The following RAD21L1 variants were observed in gnomAD, a reference collection of about 807,000 sequenced individuals.
RAD21L1 encodes RAD21 cohesin complex component like 1.
In RAD21L1, 47 loss-of-function variants were observed where a neutral mutation model predicts 69.0. That is an observed-to-expected ratio of 0.68 (90% CI 0.54 to 0.87). The LOEUF (loss-of-function observed/expected upper bound fraction) is 0.87. Ranked by LOEUF, RAD21L1 falls within the 40% of genes least tolerant of loss-of-function variation. The pLI is 0.00. For synonymous variants in RAD21L1, 177 were observed against 205.8 expected (o/e 0.86, Z 1.20); for missense variants, 583 against 647.6 (o/e 0.90, Z 1.08).
intron 10 of RAD21L1, among the ~76,000 whole-genome samples, chr20:1,243,803 T>C (rs1293860400): frequency 6.6e-6 from 1 of 152,146 alleles, no homozygotes; most frequent in Admixed American, 6.5e-5. Flanking sequence ...TGAGTGAATG[T>C]GTGAGAGCGT....
chr20:1,230,787 A>G (rs1335898920), intron 3 of RAD21L1: 1 of 503,834 alleles, frequency 2.0e-6, no homozygotes, highest in Non-Finnish European at 2.6e-6. Flanking sequence ...AGTATGGTTC[A>G]TTTGTTCGTT....
In RAD21L1 at chr20:1,250,246, T is replaced by C. The variant is rs143264923; in HGVS notation, c.1479+1543T>C. 3.2e-3 allele frequency among the ~76,000 whole-genome samples: 474 copies of C among 150,044 alleles called. 4 individuals are homozygous for C. The highest frequency in any genetic ancestry group is 0.01 in the African/African-American group (426 of 40,918). ...TATATGTGCCACATTTTCTTTCTTTTTTTTTCTTTTTTTCTTTTTTATTAT... is the reference window on the plus strand; with the variant it reads ...TATATGTGCCACATTTTCTTTCTTTCTTTTTCTTTTTTTCTTTTTTATTAT... On this transcript the variant is annotated intron_variant, in intron 13 of 13. Coordinates refer to ENST00000683101, the MANE Select transcript of RAD21L1 (RefSeq NM_001384355.1).
At chr20:1,251,544 T>G (rs1302575954) in intron 13 of RAD21L1, among the ~76,000 whole-genome samples, 1 of 152,030 alleles carries the variant, frequency 6.6e-6, no homozygotes, top group Non-Finnish European at 1.5e-5. Context: ...CAGGCTGGTT[T>G]CAAACTCCTG....
intron 10 of RAD21L1, 80 bp downstream of exon 10, chr20:1,243,276 G>A (rs2087654430): frequency 3.0e-6 from 2 of 659,830 alleles, no homozygotes; most frequent in Non-Finnish European, 5.0e-6. Flanking sequence ...CAAAATGAAG[G>A]TGGGATCCAA....
rs2087714228 is a variant in RAD21L1 at position 1,246,195 on chromosome 20, C to T, written c.1309-18C>T. On this transcript the variant is annotated intron_variant, in intron 11 of 13. Coordinates refer to ENST00000683101, the MANE Select transcript of RAD21L1 (RefSeq NM_001384355.1). The surrounding 1 kb of genome is among the most constrained non-coding windows in gnomAD (Gnocchi z 4.6). ...CCACTGGCAGATTTACCTAACTTTC[C>T]CTAATTTGCTTCAGCAGGATATTGT... 3 of 1,464,188 alleles carry T rather than the reference C, an allele frequency of 2.0e-6. No individual in the cohort carries two copies. The highest frequency in any genetic ancestry group is 2.8e-6 in the Non-Finnish European group (3 of 1,086,166). 90.7% of individuals were successfully genotyped at this position (1,464,188 alleles called of 1,614,324 possible).
intron 5 of RAD21L1, among the ~76,000 whole-genome samples, chr20:1,235,018 C>T (rs968709759): frequency 6.6e-5 from 10 of 152,206 alleles, no homozygotes; most frequent in African/African-American, 2.4e-4. Flanking sequence ...GTTGGGTTTA[C>T]AGGCATGAGC....
rs1462341168 is a variant in RAD21L1 at position 1,234,670 on chromosome 20, TA to T, written c.475+482del. ...TGAGGAAGAGGAAATGCTACCACAC[TA>T]AATGTATATATTGATTGTGAAACAG... On this transcript the variant is annotated intron_variant, in intron 5 of 13. Transcript: ENST00000683101. 8.5e-5 allele frequency among the ~76,000 whole-genome samples: 13 copies of T among 152,352 alleles called. No individual in the cohort carries two copies. In the East Asian group the frequency reaches 2.3e-3, roughly 27 times the overall value.
At chr20:1,229,509 C>T (rs1038884049) in intron 2 of RAD21L1, among the ~76,000 whole-genome samples, 3 of 151,872 alleles carry the variant, frequency 2.0e-5, no homozygotes, top group Non-Finnish European at 1.5e-5. Flanking sequence ...AGCGAGACTC[C>T]GTCTCCAAAA....
At position 1,234,169 on chromosome 20, in the gene RAD21L1, A is replaced by G. The variant is rs1200047139; in HGVS notation, c.453A>G (p.Leu151=). The G allele has an allele frequency of 6.6e-7, 1 of 1,524,648 alleles. No homozygotes were observed. The highest frequency in any genetic ancestry group is 8.9e-7 in the Non-Finnish European group (1 of 1,123,212). 94.4% of individuals were successfully genotyped at this position (1,524,648 alleles called of 1,614,324 possible). Reference sequence around the variant, plus strand: ...TTAGAGAAAATTTTGACAATGATCTAATTTTCCAAGCTGAGAGCTTTGGTG... The same window carrying G: ...TTAGAGAAAATTTTGACAATGATCTGATTTTCCAAGCTGAGAGCTTTGGTG... ...ITLRENFDND[L]IFQAESFGEE... is the part of the protein sequence containing the mutation. The change falls in exon 5 of 14, where the codon CTA becomes CTG. Residue 151 remains leucine (L), a synonymous_variant. Transcript: ENST00000683101.
intron 5 of RAD21L1, among the ~76,000 whole-genome samples, chr20:1,235,078 T>C (rs922462037): frequency 5.4e-4 from 82 of 152,196 alleles, no homozygotes; most frequent in African/African-American, 1.9e-3. Flanking sequence ...TGGTGTAATT[T>C]AACTATAGAG....
At position 1,242,779 on chromosome 20, in the gene RAD21L1, G is replaced by T. The variant is rs2087638629; in HGVS notation, c.1017G>T (p.Lys339Asn). 3 of 1,551,506 alleles carry T rather than the reference G, an allele frequency of 1.9e-6. No individual in the cohort carries two copies. Among genetic ancestry groups the T allele is most frequent in the Non-Finnish European group, 2.6e-6 (3 of 1,146,922 alleles). Residue 339 changes from lysine (K) to asparagine (N), a missense_variant, in exon 9 of 14, where the codon AAG becomes AAT. Transcript: ENST00000683101. The stretch of plus-strand genomic sequence containing the variant: ...CCCAAAGATTGATGATGTGGAAGAA[G>T]AGGGGAGGAGTGCATACACTTCTGT... ...PPTQRLMMWKKRGGVHTLLST... is the reference protein window; with the variant it reads ...PPTQRLMMWKNRGGVHTLLST...
chr20:1,252,971 A>G (rs1183055354), intron 13 of RAD21L1, among the ~76,000 whole-genome samples: 1 of 152,072 alleles, frequency 6.6e-6, no homozygotes, highest in Admixed American at 6.6e-5. Context: ...AATCTTGCAT[A>G]TTTGTCCCTT....
chr20:1,247,550 T>C (rs2087741251), intron 12 of RAD21L1, among the ~76,000 whole-genome samples: 1 of 152,138 alleles, frequency 6.6e-6, no homozygotes, highest in Non-Finnish European at 1.5e-5. Flanking sequence ...TATTTTCAAA[T>C]CAGTCTTTTT....
intron 9 of RAD21L1, 70 bp downstream of exon 9, chr20:1,242,915 C>T (rs1252957173): frequency 1.9e-6 from 2 of 1,043,374 alleles, no homozygotes; most frequent in Non-Finnish European, 2.9e-6. Context: ...AATAAATAAA[C>T]ACATATTTAC....
Position 1,230,000 on chromosome 20 carries a change from T to A in RAD21L1, c.265T>A (p.Phe89Ile). The A allele has an allele frequency of 6.5e-7, 1 of 1,549,520 alleles. No individual in the cohort carries two copies. Among genetic ancestry groups the A allele is most frequent in the Non-Finnish European group, 8.7e-7 (1 of 1,145,290 alleles). The part of the protein sequence containing the change: ...SEAFLKMKMT[F>I]CPGLVDLPKE... ...AGCATTTCTTAAAATGAAGATGACA[T>A]TTTGCCCAGGTATACATGTAATATT... Residue 89 changes from phenylalanine (F) to isoleucine (I), a missense_variant, in exon 3 of 14, where the codon TTT becomes ATT. Physicochemically the swap from Phe to Ile is conservative, Grantham distance 21. Transcript: ENST00000683101.
intron 13 of RAD21L1, 125 bp downstream of exon 13, chr20:1,248,828 A>G (rs2087770140): frequency 1.9e-6 from 1 of 532,300 alleles, no homozygotes; most frequent in Non-Finnish European, 3.3e-6. Flanking sequence ...AAATCCCACT[A>G]GAGTGCAATG....
chr20:1,247,579 C>A (rs1002959392), intron 12 of RAD21L1, among the ~76,000 whole-genome samples: 6 of 152,136 alleles, frequency 3.9e-5, no homozygotes, highest in African/African-American at 1.4e-4. Context: ...AGAAAGCATA[C>A]AGCATAGGCA....
In RAD21L1 at chr20:1,254,668, T is replaced by TG. The variant is rs903511270; in HGVS notation, c.*211_*212insG. ...TACTTTAAATTCTGTTTTGTTTTTT[T>TG]TTGTTGTTTTTTTAAGGACAAAGGT... On this transcript the variant is annotated 3_prime_UTR_variant, in exon 14 of 14. Transcript: ENST00000683101. 4.0e-5 allele frequency among the ~76,000 whole-genome samples: 6 copies of TG among 151,816 alleles called. No individual in the cohort carries two copies. Among genetic ancestry groups the TG allele is most frequent in the South Asian group, 4.2e-4 (2 of 4,814 alleles).
At chr20:1,242,328 G>A (rs2087623179) in intron 8 of RAD21L1, among the ~76,000 whole-genome samples, 1 of 152,122 alleles carries the variant, frequency 6.6e-6, no homozygotes, top group African/African-American at 2.4e-5. Context: ...TGCCACTCAG[G>A]CTCAAGGGAT....
Sources: allele counts gnomAD v4.1 joint callset (sites outside exome capture counted in the v4.1 genomes callset), GRCh38; gene constraint gnomAD v4.1.1; non-coding constraint Gnocchi (gnomAD v3.1); transcripts MANE v1.5; gene names NCBI Gene and HGNC (gene_info 2026-07-23, HGNC 2026-07-21).